Variants in PIK3C2G observed in about 807,000 individuals in gnomAD.
The protein encoded by PIK3C2G is phosphatidylinositol-4-phosphate 3-kinase catalytic subunit type 2 gamma.
In PIK3C2G, 168 loss-of-function variants were observed where a neutral mutation model predicts 181.1. The observed-to-expected ratio is 0.93, with a 90% confidence interval of 0.82 to 1.05. The LOEUF (loss-of-function observed/expected upper bound fraction) is 1.05, where lower values mean the gene tolerates loss of function less well. Ranked by LOEUF, PIK3C2G falls within the 50% of genes least tolerant of loss-of-function variation. The pLI is 0.00. For synonymous variants in PIK3C2G, 573 were observed against 592.2 expected (o/e 0.97, Z 0.47); for missense variants, 1,869 against 1,732.8 (o/e 1.08, Z -1.40).
the PIK3C2G span, among the ~76,000 whole-genome samples, chr12:18,666,780 C>T: frequency 1.5e-3 from 226 of 152,288 alleles, no homozygotes; most frequent in African/African-American, 4.7e-3. Flanking sequence ...AGACATGAAA[C>T]ATTCTCCAGG....
chr12:18,481,415 C>T (rs1297933441), intron 18 of PIK3C2G, among the ~76,000 whole-genome samples: 1 of 152,116 alleles, frequency 6.6e-6, no homozygotes, highest in African/African-American at 2.4e-5. Flanking sequence ...AGTTTTTTCC[C>T]TCCATAGCTA....
At chr12:18,249,468 C>T (rs1338293481) in intron 1 of PIK3C2G, among the ~76,000 whole-genome samples, 1 of 152,036 alleles carries the variant, frequency 6.6e-6, no homozygotes. Flanking sequence ...CCTTTTCATC[C>T]TACTCATGGT....
chr12:18,532,480 G>GT (rs1338883611), intron 24 of PIK3C2G, among the ~76,000 whole-genome samples: 42 of 152,016 alleles, frequency 2.8e-4, no homozygotes, highest in African/African-American at 9.2e-4. Context: ...GTGAACCATT[G>GT]TAAGTTAATT....
In PIK3C2G at chr12:18,303,138, C is replaced by CTTTCTTTCTTTCTTTCTTTCT. The variant is rs1422309361; in HGVS notation, c.1034+9126_1034+9127insCTTTCTTTCTTTCTTTCTTTT. Among the ~76,000 whole-genome samples, 10 of 131,194 alleles carry CTTTCTTTCTTTCTTTCTTTCT rather than the reference C, an allele frequency of 7.6e-5. No homozygotes were observed. In the East Asian group the frequency reaches 9.3e-4, roughly 12 times the overall value. 86.1% of individuals were successfully genotyped at this position (131,194 alleles called of 152,430 possible). On this transcript the variant is annotated intron_variant, in intron 5 of 32. Coordinates refer to ENST00000538779, the MANE Select transcript of PIK3C2G (RefSeq NM_001288772.2). ...TCCTTCTTTCTTTCTTTCTTTCTTTCTTTTCTTTTCTTTCTTCTTTCTCTT... is the reference window on the plus strand; with the variant it reads ...TCCTTCTTTCTTTCTTTCTTTCTTTCTTTCTTTCTTTCTTTCTTTCTTTTTCTTTTCTTTCTTCTTTCTCTT...
intron 5 of PIK3C2G, among the ~76,000 whole-genome samples, chr12:18,294,892 T>G (rs1160566614): frequency 6.6e-6 from 1 of 151,884 alleles, no homozygotes; most frequent in Admixed American, 6.6e-5. Flanking sequence ...TCATTATTAT[T>G]CCATCATGAA....
chr12:18,423,795 C>T, intron 17 of PIK3C2G, 150 bp from the exon 18 acceptor site: 1 of 607,874 alleles, frequency 1.6e-6, no homozygotes, highest in Non-Finnish European at 3.0e-6. Context: ...TAGTCATATA[C>T]CGACTCATAA....
intron 20 of PIK3C2G, chr12:18,493,338 C>T (rs1940740696): frequency 1.3e-5 from 2 of 152,286 alleles, no homozygotes; most frequent in Middle Eastern, 6.8e-3. Context: ...AAATTCATAC[C>T]TTTTGAATGC....
At chr12:18,566,207 C>T (rs566621741) in intron 28 of PIK3C2G, among the ~76,000 whole-genome samples, 109 of 152,214 alleles carry the variant, frequency 7.2e-4, no homozygotes, top group African/African-American at 2.6e-3. Flanking sequence ...CTTTACTATC[C>T]TCCATGTTCA....
intron 26 of PIK3C2G, among the ~76,000 whole-genome samples, chr12:18,550,471 A>C (rs777652321): frequency 1.3e-5 from 2 of 151,916 alleles, no homozygotes; most frequent in Non-Finnish European, 2.9e-5. Flanking sequence ...CTGATATCAC[A>C]TGGATTTTAA....
intron 16 of PIK3C2G, among the ~76,000 whole-genome samples, chr12:18,417,345 A>T (rs1357540997): frequency 6.6e-6 from 1 of 152,194 alleles, no homozygotes; most frequent in Non-Finnish European, 1.5e-5. Flanking sequence ...TATAAACATG[A>T]TTGAGAAAGC....
the PIK3C2G span, chr12:18,685,680 T>C: frequency 1.9e-6 from 1 of 515,254 alleles, no homozygotes; most frequent in Non-Finnish European, 3.9e-6. Context: ...AATAATTTCA[T>C]GGGGTACAGA....
chr12:18,451,954 G>A (rs915355365), intron 18 of PIK3C2G, among the ~76,000 whole-genome samples: 92 of 152,188 alleles, frequency 6.0e-4, no homozygotes, highest in African/African-American at 2.2e-3. Flanking sequence ...TTTTTGATGT[G>A]CTGCTGGATT....
intron 18 of PIK3C2G, among the ~76,000 whole-genome samples, chr12:18,436,851 T>C (rs1946477263): frequency 1.3e-5 from 2 of 152,052 alleles, no homozygotes; most frequent in African/African-American, 4.8e-5. Context: ...ATCCCGTTCA[T>C]AGTGTGAGTT....
At chr12:18,402,500 G>A (rs1255192497) in intron 16 of PIK3C2G, among the ~76,000 whole-genome samples, 2 of 151,968 alleles carry the variant, frequency 1.3e-5, no homozygotes, top group Non-Finnish European at 2.9e-5. Flanking sequence ...TAAATGGGGT[G>A]GATTGTATGG....
At chr12:18,365,002 A>G (rs1941537335) in intron 12 of PIK3C2G, among the ~76,000 whole-genome samples, 1 of 152,332 alleles carries the variant, frequency 6.6e-6, no homozygotes, top group Non-Finnish European at 1.5e-5. Flanking sequence ...TTTATTTTCA[A>G]CTCACACACT....
intron 30 of PIK3C2G, among the ~76,000 whole-genome samples, chr12:18,604,803 C>G (rs1947924206): frequency 6.6e-6 from 1 of 152,048 alleles, no homozygotes; most frequent in Non-Finnish European, 1.5e-5. Flanking sequence ...AGTGTTGGGT[C>G]AAAAATGAAA....
At chr12:18,693,740 A>G in the PIK3C2G span, 2 of 1,533,198 alleles carry the variant, frequency 1.3e-6, no homozygotes, top group Non-Finnish European at 1.8e-6. Context: ...ATTTGATTCT[A>G]GGGTAGATGT....
In PIK3C2G at chr12:18,497,700, G is replaced by T. The variant is rs372973983; in HGVS notation, c.2968G>T (p.Asp990Tyr). 3.1e-6 allele frequency: 5 copies of T among 1,612,420 alleles called. No individual in the cohort carries two copies. Among genetic ancestry groups the T allele is most frequent in the Non-Finnish European group, 2.5e-6 (3 of 1,178,874 alleles). ...CAATATTTGGCTGCAGGAAGGCTTG[G>T]ATATGCAAATGATCATTTATAGATG... ...MDNIWLQEGL[D>Y]MQMIIYRCLS... Residue 990 changes from aspartate to tyrosine, a missense_variant, in exon 22 of 33, where the codon GAT becomes TAT. By Grantham distance (160) the Asp-to-Tyr change is radical. Coordinates refer to ENST00000538779, the MANE Select transcript of PIK3C2G (RefSeq NM_001288772.2).
chr12:18,598,000 G>A (rs1171369690), intron 30 of PIK3C2G, among the ~76,000 whole-genome samples: 1 of 151,650 alleles, frequency 6.6e-6, no homozygotes, highest in East Asian at 1.9e-4. Flanking sequence ...AATAAAAGAG[G>A]ATACAAACAA....
Sources: allele counts gnomAD v4.1 joint callset (sites outside exome capture counted in the v4.1 genomes callset), GRCh38; gene constraint gnomAD v4.1.1; transcripts MANE v1.5; gene names NCBI Gene and HGNC (gene_info 2026-07-23, HGNC 2026-07-21).